The following INVS variants were observed in gnomAD, a reference collection of about 807,000 sequenced individuals.
The protein encoded by INVS is inversion of embryo turning homolog.
In INVS, 86 loss-of-function variants were observed where a neutral mutation model predicts 108.8. The observed-to-expected ratio is 0.79, with a 90% CI of 0.66 to 0.95. The LOEUF is 0.95. INVS is among the 40% of genes least tolerant of loss of function. The pLI is 0.00. For missense variants in INVS, 1,169 were observed against 1,297.4 expected (o/e 0.90, Z 1.52); for synonymous variants, 455 against 473.5 (o/e 0.96, Z 0.51).
At chr9:100,188,191 T>C (rs1207178131) in intron 3 of INVS, among the ~76,000 whole-genome samples, 1 of 152,186 alleles carries the variant, frequency 6.6e-6, no homozygotes, top group African/African-American at 2.4e-5. Flanking sequence ...CTGATTGCTC[T>C]GGTTAGGACT....
At chr9:100,154,048 G>A (rs1332186304) in intron 3 of INVS, among the ~76,000 whole-genome samples, 1 of 152,196 alleles carries the variant, frequency 6.6e-6, no homozygotes, top group Non-Finnish European at 1.5e-5. Context: ...CCTTTGATCT[G>A]TCACTTCTGG....
rs2118765013 is a variant in INVS, at chr9:100,293,026, C to A, written c.2769C>A (p.Ile923=). The change falls in exon 14 of 17, where the codon ATC becomes ATA. Residue 923 remains isoleucine (I), a synonymous_variant. Coordinates refer to ENST00000262457, the MANE Select transcript of INVS (RefSeq NM_014425.5). ...FRKKNKAAAV[I]QRAWRSYQLR... is the part of the protein sequence containing the mutation. ...AAAAGAACAAGGCAGCAGCAGTCAT[C>A]CAGCGCGCCTGGCGAAGGTAGGAAA... 1 of 1,613,910 alleles carries A rather than the reference C, an allele frequency of 6.2e-7. No homozygotes were observed. Among genetic ancestry groups the A allele is most frequent in the Non-Finnish European group, 8.5e-7 (1 of 1,180,010 alleles).
intron 8 of INVS, among the ~76,000 whole-genome samples, chr9:100,250,026 A>G (rs1832177196): frequency 1.3e-5 from 2 of 150,936 alleles, no homozygotes; most frequent in South Asian, 4.2e-4. Flanking sequence ...AATCGTTTGA[A>G]CCTGGGAGGT....
chr9:100,162,045 G>C (rs544316934), intron 3 of INVS, among the ~76,000 whole-genome samples: 1 of 152,268 alleles, frequency 6.6e-6, no homozygotes, highest in South Asian at 2.1e-4. Flanking sequence ...GCTGGGAACT[G>C]ACATGAAGCA....
intron 1 of INVS, chr9:100,101,955 A>C (rs1827008466): frequency 6.6e-6 from 1 of 152,194 alleles, no homozygotes; most frequent in African/African-American, 2.4e-5. Context: ...AAGGATGTTT[A>C]AGATCACTGA....
chr9:100,290,086 G>GTT (rs35079684), intron 13 of INVS, among the ~76,000 whole-genome samples: 198 of 148,894 alleles, frequency 1.3e-3, no homozygotes, highest in Middle Eastern at 7.0e-3. Context: ...TGTAGTTTTA[G>GTT]TTTTTTTTTT....
rs1833370879 is a variant in INVS at position 100,284,458 on chromosome 9, C to G, written c.1923C>G (p.Ser641Arg). The stretch of plus-strand genomic sequence containing the variant: ...CCAGCAGGCAGAGCCGGGCCCCCAG[C>G]AAGCAGCCTCCTGCTGGCAACGTGG... Reference protein sequence around the residue: ...DVPSRQSRAPSKQPPAGNVAQ... With the variant: ...DVPSRQSRAPRKQPPAGNVAQ... The change falls in exon 13 of 17, where the codon AGC (serine) becomes AGG (arginine). Residue 641 changes from serine (S) to arginine (R), a missense_variant. Physicochemically the swap from Ser to Arg is moderately radical, Grantham distance 110. Around this residue, in one of 3 missense-constraint regions of INVS, gnomAD observed 533 missense variants for 536.0 expected, o/e 0.99. Coordinates refer to ENST00000262457, the MANE Select transcript of INVS (RefSeq NM_014425.5). 1 of 1,614,064 alleles carries G rather than the reference C, an allele frequency of 6.2e-7. No homozygotes were observed. The highest frequency in any genetic ancestry group is 1.3e-5 in the African/African-American group (1 of 74,950).
At chr9:100,116,016 T>C (rs1827510113) in intron 2 of INVS, among the ~76,000 whole-genome samples, 1 of 152,330 alleles carries the variant, frequency 6.6e-6, no homozygotes, top group Middle Eastern at 3.4e-3. Context: ...TATCTCATTG[T>C]GGTTTTGATT....
intron 3 of INVS, among the ~76,000 whole-genome samples, chr9:100,187,406 T>A (rs1830084925): frequency 1.3e-5 from 2 of 152,144 alleles, no homozygotes; most frequent in Admixed American, 6.5e-5. Context: ...TTGGTATTTT[T>A]ATCAGAATTA....
chr9:100,297,764 T>G (rs553854973), intron 15 of INVS, among the ~76,000 whole-genome samples, 172 bp from the exon 16 acceptor site: 56 of 152,346 alleles, frequency 3.7e-4, no homozygotes, highest in African/African-American at 1.3e-3. Context: ...TTAACATTCA[T>G]TTAGCAAAAT....
At chr9:100,157,759 C>T (rs1829048149) in intron 3 of INVS, among the ~76,000 whole-genome samples, 1 of 152,138 alleles carries the variant, frequency 6.6e-6, no homozygotes, top group Non-Finnish European at 1.5e-5. Context: ...CTTGCAATTC[C>T]TGCAGTTCCT....
chr9:100,258,552 TTGGTC>T (rs1832504386), intron 10 of INVS, among the ~76,000 whole-genome samples: 1 of 152,164 alleles, frequency 6.6e-6, no homozygotes, highest in Admixed American at 6.5e-5. Context: ...TTTATGGTCT[TTGGTC>T]TTTGGTCTTT....
chr9:100,284,214 A>T, intron 12 of INVS, 106 bp from the exon 13 acceptor site: 1 of 1,319,912 alleles, frequency 7.6e-7, no homozygotes, highest in South Asian at 1.3e-5. Context: ...ATTTCCAAAT[A>T]TCTCCTGTGA....
At chr9:100,175,342 CT>C in intron 3 of INVS, 1 of 744,062 alleles carries the variant, frequency 1.3e-6, no homozygotes. Context: ...AGCTCTAATT[CT>C]TTCACGAGTC....
At chr9:100,181,943 G>T (rs1191803545) in intron 3 of INVS, among the ~76,000 whole-genome samples, 1 of 152,020 alleles carries the variant, frequency 6.6e-6, no homozygotes, top group Non-Finnish European at 1.5e-5. Flanking sequence ...ACAGAATAGA[G>T]GCCTCAGAAA....
rs564746921 is a variant in INVS at position 100,224,927 on chromosome 9, A to G, written c.274-1135A>G. Among the ~76,000 whole-genome samples, 11 of 151,150 alleles carry G rather than the reference A, an allele frequency of 7.3e-5. No homozygotes were observed. The South Asian group carries it at 2.3e-3, about 32-fold the overall frequency. On this transcript the variant is annotated intron_variant, in intron 3 of 16. Transcript: ENST00000262457. ...CCGCACCCGGCCTGCTTCTTTCTTGAGGTGGGTTGATTCTACCAGACTGGA... is the reference window on the plus strand; with the variant it reads ...CCGCACCCGGCCTGCTTCTTTCTTGGGGTGGGTTGATTCTACCAGACTGGA...
Position 100,126,106 on chromosome 9 carries a change from A to G in INVS, c.107-277A>G, listed in dbSNP as rs1282345094. 5.6e-4 allele frequency among the ~76,000 whole-genome samples: 86 copies of G among 152,234 alleles called. 1 individual carries two copies. Among genetic ancestry groups the G allele is most frequent in the Non-Finnish European group, 2.8e-4 (19 of 68,048 alleles). ...GAGGGAGGAACATAAGTAGCTCTGT[A>G]TCTCAAAATGTTAGTTCAGCATAAT... On this transcript the variant is annotated intron_variant, in intron 2 of 16. Transcript: ENST00000262457.
In INVS at chr9:100,104,620, C is replaced by T. The variant is rs1292597343; in HGVS notation, c.99C>T (p.Leu33=). The T allele has an allele frequency of 6.2e-7, 1 of 1,610,346 alleles. No individual in the cohort carries two copies. Among genetic ancestry groups the T allele is most frequent in the Non-Finnish European group, 8.5e-7 (1 of 1,176,496 alleles). Residue 33 remains leucine, a synonymous_variant, in exon 2 of 17, where the codon CTC becomes CTT. Transcript: ENST00000262457. ...VNGDKGALQR[L]IVGNSALKDK... is the part of the protein sequence containing the mutation. The stretch of plus-strand genomic sequence containing the variant: ...GAGATAAGGGTGCTCTACAGAGGCT[C>T]ATCGTAGGTAAGCAGTCCCCTTAAG...
intron 3 of INVS, among the ~76,000 whole-genome samples, chr9:100,198,179 T>A (rs1316387218): frequency 6.7e-6 from 1 of 150,370 alleles, no homozygotes; most frequent in Non-Finnish European, 1.5e-5. Context: ...TTGTCAAACC[T>A]ATTTAGTGTC....
Sources: allele counts gnomAD v4.1 joint callset (sites outside exome capture counted in the v4.1 genomes callset), GRCh38; gene constraint gnomAD v4.1.1; regional missense constraint gnomAD v4.1.1; transcripts MANE v1.5; gene names NCBI Gene and HGNC (gene_info 2026-07-23, HGNC 2026-07-21).